The following LDLRAD4 variants were observed in gnomAD, a reference collection of about 807,000 sequenced individuals.
LDLRAD4 encodes the protein low density lipoprotein receptor class A domain containing 4, also known as low-density lipoprotein receptor class A domain-containing protein 4.
LDLRAD4 carries 5 observed loss-of-function variants against 17.0 expected under a neutral mutation model. That is an observed-to-expected ratio of 0.29 (90% CI 0.15 to 0.62). The LOEUF (loss-of-function observed/expected upper bound fraction) is 0.62. LDLRAD4 is among the 20% of genes least tolerant of loss of function. The pLI is 0.84. For synonymous variants in LDLRAD4, 168 were observed against 171.8 expected (o/e 0.98, Z 0.17); for missense variants, 340 against 424.7 (o/e 0.80, Z 1.75).
chr18:13,238,314 G>A (rs2042436573), intron 1 of LDLRAD4, among the ~76,000 whole-genome samples: 1 of 152,210 alleles, frequency 6.6e-6, no homozygotes, highest in African/African-American at 2.4e-5. Flanking sequence ...ACATTCTGCT[G>A]TTGGGCTGGT....
intron 2 of LDLRAD4, among the ~76,000 whole-genome samples, chr18:13,415,887 C>A (rs2088848035): frequency 6.6e-6 from 1 of 152,258 alleles, no homozygotes; most frequent in Non-Finnish European, 1.5e-5. Context: ...TTCTTTGAAG[C>A]TGTGTCTCAG....
chr18:13,396,006 C>T (rs940092073), intron 2 of LDLRAD4, among the ~76,000 whole-genome samples: 22 of 152,092 alleles, frequency 1.4e-4, no homozygotes, highest in Non-Finnish European at 2.5e-4. Context: ...AGTCAAGTCC[C>T]GGGTCTCTGT....
At chr18:13,305,404 T>C (rs2046853995) in intron 1 of LDLRAD4, among the ~76,000 whole-genome samples, 1 of 152,246 alleles carries the variant, frequency 6.6e-6, no homozygotes. Context: ...TCAAGTTTTT[T>C]CAGTATCCAC....
chr18:13,375,270 C>G (rs559049040), intron 1 of LDLRAD4, among the ~76,000 whole-genome samples: 14 of 152,322 alleles, frequency 9.2e-5, no homozygotes, highest in Middle Eastern at 3.4e-3. Context: ...TGAAAATATC[C>G]TTGAAAATGC....
intron 1 of LDLRAD4, among the ~76,000 whole-genome samples, chr18:13,340,394 C>T (rs1361877663): frequency 2.6e-5 from 4 of 152,118 alleles, no homozygotes; most frequent in African/African-American, 4.8e-5. Flanking sequence ...TAGCAATGCA[C>T]GGGGTTTCAG....
intron 3 of LDLRAD4, among the ~76,000 whole-genome samples, chr18:13,590,179 CG>C (rs372313234): frequency 3.4e-4 from 51 of 149,016 alleles, no homozygotes; most frequent in African/African-American, 1.2e-3. Flanking sequence ...ATATGGAGTA[CG>C]GGGGAAGGAG....
intron 1 of LDLRAD4, among the ~76,000 whole-genome samples, chr18:13,317,471 A>G (rs1379158395): frequency 1.3e-5 from 2 of 152,194 alleles, no homozygotes; most frequent in Non-Finnish European, 2.9e-5. Context: ...TCTTCACTAG[A>G]AGGCATTCAT....
intron 3 of LDLRAD4, among the ~76,000 whole-genome samples, chr18:13,523,048 G>A (rs572069583): frequency 2.6e-5 from 4 of 152,168 alleles, no homozygotes; most frequent in African/African-American, 9.6e-5. Context: ...GCCTGTGCCC[G>A]TGGAGGTCCC....
chr18:13,218,053 A>G (rs894914117), upstream of LDLRAD4: 12 of 151,560 alleles, frequency 7.9e-5, no homozygotes, highest in Admixed American at 3.3e-4. Context: ...GCGGAGCCGC[A>G]CTGCGGGCAG....
intron 1 of LDLRAD4, among the ~76,000 whole-genome samples, chr18:13,224,872 A>G (rs149882812): frequency 1.3e-5 from 2 of 148,700 alleles, no homozygotes; most frequent in Non-Finnish European, 3.0e-5. Context: ...TTTATTACCC[A>G]GGCTGGAGTG....
At chr18:13,339,403 A>G (rs1380956008) in intron 1 of LDLRAD4, among the ~76,000 whole-genome samples, 1 of 152,020 alleles carries the variant, frequency 6.6e-6, no homozygotes, top group Non-Finnish European at 1.5e-5. Context: ...GGGTTTCACC[A>G]TGTTGGCCAG....
At chr18:13,226,300 C>T (rs895238696) in intron 1 of LDLRAD4, among the ~76,000 whole-genome samples, 20 of 148,384 alleles carry the variant, frequency 1.3e-4, no homozygotes, top group Non-Finnish European at 1.9e-4. Flanking sequence ...GGATTACAGG[C>T]GTGAGCCCCT....
At chr18:13,266,736 C>T (rs920484897) in intron 1 of LDLRAD4, among the ~76,000 whole-genome samples, 1 of 152,252 alleles carries the variant, frequency 6.6e-6, no homozygotes, top group Non-Finnish European at 1.5e-5. Flanking sequence ...CCTGGCCAGA[C>T]CCGTGGGCAG....
chr18:13,530,419 T>C (rs1182832907), intron 3 of LDLRAD4, among the ~76,000 whole-genome samples: 1 of 152,252 alleles, frequency 6.6e-6, no homozygotes, highest in Non-Finnish European at 1.5e-5. Flanking sequence ...TTCTGGAGCA[T>C]TCCGAGGCTT....
intron 3 of LDLRAD4, among the ~76,000 whole-genome samples, chr18:13,593,214 G>A (rs2095049900): frequency 6.6e-6 from 1 of 152,194 alleles, no homozygotes; most frequent in Non-Finnish European, 1.5e-5. Context: ...CGAGGAGGCT[G>A]AGGCAGAAGA....
At chr18:13,279,137 T>C (rs988803010) in intron 1 of LDLRAD4, among the ~76,000 whole-genome samples, 2 of 152,224 alleles carry the variant, frequency 1.3e-5, no homozygotes, top group South Asian at 4.1e-4. Flanking sequence ...GTGAATTTCA[T>C]GCCCAATCGA....
At chr18:13,543,901 G>C (rs1046122707) in intron 3 of LDLRAD4, among the ~76,000 whole-genome samples, 1 of 152,358 alleles carries the variant, frequency 6.6e-6, no homozygotes, top group South Asian at 2.1e-4. Context: ...ATTAGCCAAA[G>C]AGATGTCTGT....
At chr18:13,627,772 C>T (rs927804700) in intron 4 of LDLRAD4, among the ~76,000 whole-genome samples, 1 of 152,172 alleles carries the variant, frequency 6.6e-6, no homozygotes, top group Non-Finnish European at 1.5e-5. Context: ...ACAGAGGTGG[C>T]CATGGGCTCC....
intron 4 of LDLRAD4, among the ~76,000 whole-genome samples, chr18:13,635,166 T>G (rs1291061421): frequency 6.6e-6 from 1 of 152,214 alleles, no homozygotes; most frequent in Admixed American, 6.5e-5. Flanking sequence ...CCGGGTGGCT[T>G]ATAAACAGCA....
Sources: allele counts gnomAD v4.1 joint callset (sites outside exome capture counted in the v4.1 genomes callset), GRCh38; gene constraint gnomAD v4.1.1; transcripts MANE v1.5; gene names NCBI Gene and HGNC (gene_info 2026-07-23, HGNC 2026-07-21).